ADAMTS9: variants seen among roughly 807,000 people sequenced by gnomAD.
ADAMTS9 encodes the protein ADAM metallopeptidase with thrombospondin type 1 motif 9, also known as A disintegrin and metalloproteinase with thrombospondin motifs 9.
In ADAMTS9, 107 loss-of-function variants were observed where a neutral mutation model predicts 257.1. The observed-to-expected ratio is 0.42, with a 90% CI of 0.36 to 0.49. The LOEUF (loss-of-function observed/expected upper bound fraction) is 0.49, where lower values mean the gene tolerates loss of function less well. ADAMTS9 is among the 20% of genes least tolerant of loss of function. ADAMTS9 has a pLI of 0.03. For synonymous variants in ADAMTS9, 982 were observed against 880.9 expected (o/e 1.11, Z -2.03); for missense variants, 2,353 against 2,469.1 (o/e 0.95, Z 1.00).
At chr3:64,595,290 T>G (rs1040840745) in intron 27 of ADAMTS9, among the ~76,000 whole-genome samples, 2 of 152,166 alleles carry the variant, frequency 1.3e-5, no homozygotes, top group Non-Finnish European at 2.9e-5. Flanking sequence ...CTTGGATGAA[T>G]AAACAGCATG....
chr3:64,532,566 G>T (rs534985922), intron 38 of ADAMTS9, among the ~76,000 whole-genome samples: 1 of 152,264 alleles, frequency 6.6e-6, no homozygotes, highest in East Asian at 1.9e-4. Context: ...ACACTGTTCA[G>T]CTGTAGACTC....
intron 3 of ADAMTS9, among the ~76,000 whole-genome samples, chr3:64,666,565 C>T (rs1701358316): frequency 6.6e-6 from 1 of 152,118 alleles, no homozygotes; most frequent in Admixed American, 6.5e-5. Context: ...CCATTCCTCC[C>T]CTAAAGCTAC....
intron 23 of ADAMTS9, among the ~76,000 whole-genome samples, chr3:64,605,692 A>G (rs1024818443): frequency 2.6e-5 from 4 of 152,190 alleles, no homozygotes; most frequent in Non-Finnish European, 5.9e-5. Context: ...CAAGGCCCAT[A>G]TAGAATAGTA....
chr3:64,563,641 T>C (rs2083469160), intron 29 of ADAMTS9, among the ~76,000 whole-genome samples: 1 of 152,198 alleles, frequency 6.6e-6, no homozygotes, highest in Admixed American at 6.5e-5. Flanking sequence ...ATTTAAAAAA[T>C]CACTTCCTAC....
rs181630917 is a variant in ADAMTS9 at position 64,598,293 on chromosome 3, T to C, written c.4018-1302A>G. ...TCTTTGATGATTCTGGTATACTTAC[T>C]CTAAATCTCAAAATATTCATTTCCT... is the stretch of plus-strand genomic sequence containing the variant. On this transcript the variant is annotated intron_variant, in intron 26 of 39. Transcript: ENST00000498707. Among the ~76,000 whole-genome samples, 109 of 151,856 alleles carry C rather than the reference T, an allele frequency of 7.2e-4. No individual in the cohort carries two copies. In the South Asian group the frequency reaches 8.5e-3, roughly 12 times the overall value.
chr3:64,648,656 A>G (rs1700856218), intron 10 of ADAMTS9, among the ~76,000 whole-genome samples: 1 of 152,184 alleles, frequency 6.6e-6, no homozygotes, highest in South Asian at 2.1e-4. Context: ...AAAAAGTTTC[A>G]AACTACCCAG....
intron 19 of ADAMTS9, among the ~76,000 whole-genome samples, chr3:64,620,683 C>T (rs1700082213): frequency 6.6e-6 from 1 of 152,104 alleles, no homozygotes; most frequent in South Asian, 2.1e-4. Context: ...TAGTGTACTG[C>T]AACTTTCAGG....
At chr3:64,667,630 G>A (rs1453166449) in intron 3 of ADAMTS9, among the ~76,000 whole-genome samples, 1 of 152,180 alleles carries the variant, frequency 6.6e-6, no homozygotes, top group African/African-American at 2.4e-5. Flanking sequence ...ACTTGGGCAT[G>A]AGAGCTGGGT....
chr3:64,596,953 A>G lies in ADAMTS9; in HGVS notation c.4056T>C (p.Val1352=), dbSNP rs141596778. ...STCAGGSQRR[V]VVCQDENGYT... is the part of the protein sequence containing the mutation. Reference sequence around the variant, plus strand: ...ATCCATTTTCATCCTGACATACAACAACACGCCGCTGGGATCCGCCAGCAC... The same window carrying G: ...ATCCATTTTCATCCTGACATACAACGACACGCCGCTGGGATCCGCCAGCAC... The change falls in exon 27 of 40, where the codon GTT becomes GTC. Residue 1352 remains valine, a synonymous_variant. Transcript: ENST00000498707. 24 of 1,613,802 alleles carry G rather than the reference A, an allele frequency of 1.5e-5. No homozygotes were observed. In the African/African-American group the frequency reaches 3.2e-4, roughly 22 times the overall value.
At chr3:64,655,763 T>A (rs1375250339) in intron 5 of ADAMTS9, 29 bp downstream of exon 5, 2 of 1,566,898 alleles carry the variant, frequency 1.3e-6, no homozygotes, top group Admixed American at 3.8e-5. Context: ...CGGATACAGA[T>A]AGAAGAAAAA....
chr3:64,533,916 C>T (rs555972640), intron 37 of ADAMTS9, among the ~76,000 whole-genome samples: 1 of 152,194 alleles, frequency 6.6e-6, no homozygotes, highest in African/African-American at 2.4e-5. Context: ...AGAACATGGC[C>T]TCTGGTGCCT....
At chr3:64,633,184 G>A (rs529080699) in intron 14 of ADAMTS9, among the ~76,000 whole-genome samples, 128 of 152,320 alleles carry the variant, frequency 8.4e-4, no homozygotes, top group Non-Finnish European at 1.5e-3. Context: ...GCAAAGGAGT[G>A]TGGGTGTAAA....
At chr3:64,546,697 T>C in intron 32 of ADAMTS9, 61 bp downstream of exon 32, 4 of 1,497,390 alleles carry the variant, frequency 2.7e-6, no homozygotes, top group Non-Finnish European at 3.6e-6. Flanking sequence ...AGGCAGGACA[T>C]GTTTAAGACG....
At chr3:64,568,331 G>A (rs540402229) in intron 29 of ADAMTS9, 37 bp downstream of exon 29, 66 of 1,574,036 alleles carry the variant, frequency 4.2e-5, no homozygotes, top group South Asian at 3.8e-4. Flanking sequence ...GTGGCCAAAC[G>A]TAAGGAAGCA....
chr3:64,612,149 C>T (rs1316488780), intron 22 of ADAMTS9, among the ~76,000 whole-genome samples: 1 of 152,004 alleles, frequency 6.6e-6, no homozygotes, highest in African/African-American at 2.4e-5. Context: ...ATATTTACGA[C>T]CCTTAAATAA....
intron 28 of ADAMTS9, among the ~76,000 whole-genome samples, chr3:64,572,731 AG>A (rs1161992269): frequency 1.3e-5 from 2 of 152,166 alleles, no homozygotes; most frequent in African/African-American, 4.8e-5. Context: ...AGATGTACAC[AG>A]GATCTGGCCA....
chr3:64,580,781 G>C (rs1397002420), intron 28 of ADAMTS9, among the ~76,000 whole-genome samples: 1 of 152,116 alleles, frequency 6.6e-6, no homozygotes, highest in Non-Finnish European at 1.5e-5. Flanking sequence ...AAAACCCTTG[G>C]GAAACATTCA....
At chr3:64,622,064 T>C in intron 18 of ADAMTS9, 134 bp downstream of exon 18, 1 of 956,706 alleles carries the variant, frequency 1.0e-6, no homozygotes, top group East Asian at 2.9e-5. Flanking sequence ...CCAGACACAT[T>C]CAAAGAAAAG....
chr3:64,605,252 A>G (rs1270335806), intron 23 of ADAMTS9, among the ~76,000 whole-genome samples: 2 of 152,224 alleles, frequency 1.3e-5, no homozygotes, highest in African/African-American at 4.8e-5. Context: ...AAATGGATAT[A>G]ATAGAATAAC....
Sources: gnomAD v4.1 joint callset for allele counts (sites outside exome capture counted in the v4.1 genomes callset) on GRCh38, gnomAD v4.1.1 for gene constraint, MANE v1.5 for transcripts, NCBI Gene and HGNC (gene_info 2026-07-23, HGNC 2026-07-21) for gene names.